Variants in CATSPERE observed in about 807,000 individuals in gnomAD.
The protein encoded by CATSPERE is catsper channel auxiliary subunit epsilon.
Under a neutral mutation model 114.1 loss-of-function variants are expected in CATSPERE, and 93 were observed. That is an observed-to-expected ratio of 0.81 (90% CI 0.69 to 0.97). CATSPERE has a LOEUF of 0.97. CATSPERE is among the 50% of genes least tolerant of loss of function. The pLI is 0.00. For synonymous variants in CATSPERE, 341 were observed against 384.1 expected (o/e 0.89, Z 1.31); for missense variants, 1,058 against 1,131.6 (o/e 0.93, Z 0.93).
chr1:244,593,527 G>C lies in CATSPERE; in HGVS notation c.2252G>C (p.Gly751Ala), dbSNP rs752792852. ...LRVRYIWGEY[G>A]CPLRLDFTEK... is the part of the protein sequence containing the mutation. ...GTAAGGTATATTTGGGGAGAATATG[G>C]CTGCCCTCTGAGGCTTGACTTCACA... is the stretch of plus-strand genomic sequence containing the variant. The change falls in exon 17 of 22, where the codon GGC (glycine) becomes GCC (alanine). Residue 751 changes from glycine (G) to alanine (A), a missense_variant. Physicochemically the swap from Gly to Ala is moderately conservative, Grantham distance 60 (BLOSUM62 0). Coordinates refer to ENST00000366534, the MANE Select transcript of CATSPERE (RefSeq NM_001130957.2). The C allele has an allele frequency of 5.0e-6, 8 of 1,613,878 alleles. No individual in the cohort carries two copies. The highest frequency in any genetic ancestry group is 1.1e-5 in the South Asian group (1 of 91,076).
intron 6 of CATSPERE, among the ~76,000 whole-genome samples, chr1:244,493,987 C>T (rs1334929638): frequency 6.6e-6 from 1 of 152,126 alleles, no homozygotes; most frequent in Admixed American, 6.5e-5. Context: ...AATAGGAACA[C>T]TTTTACACTG....
chr1:244,468,572 A>T (rs3124060), intron 2 of CATSPERE, among the ~76,000 whole-genome samples: 97,153 of 151,968 alleles, frequency 0.64, 31,392 homozygotes, highest in Middle Eastern at 0.74. Flanking sequence ...AAAGGGCAAG[A>T]GAGTAATATT....
intron 8 of CATSPERE, among the ~76,000 whole-genome samples, chr1:244,547,585 A>C (rs898240166): frequency 2.7e-5 from 4 of 147,376 alleles, no homozygotes; most frequent in South Asian, 2.1e-4. Flanking sequence ...GAAAAATTTC[A>C]ATCTAAGTTA....
Position 244,552,588 on chromosome 1 carries a change from C to G in CATSPERE, c.803C>G (p.Ser268Cys), listed in dbSNP as rs755173996. Residue 268 changes from serine to cysteine, a missense_variant, in exon 9 of 22, where the codon TCT (serine) becomes TGT (cysteine). Transcript: ENST00000366534. ...ETFHTTDSFK[S>C]WTRIRVPPDI... is the part of the protein sequence containing the mutation. ...TTTCACACAACTGATTCATTCAAATCTTGGACCAGAATCAGAGTGCCTCCA... is the reference window on the plus strand; with the variant it reads ...TTTCACACAACTGATTCATTCAAATGTTGGACCAGAATCAGAGTGCCTCCA... 1 of 1,614,174 alleles carries G rather than the reference C, an allele frequency of 6.2e-7. No individual in the cohort carries two copies. Among genetic ancestry groups the G allele is most frequent in the Non-Finnish European group, 8.5e-7 (1 of 1,180,032 alleles).
At chr1:244,477,029 C>T (rs537970325) in intron 2 of CATSPERE, among the ~76,000 whole-genome samples, 13 of 152,160 alleles carry the variant, frequency 8.5e-5, no homozygotes, top group Non-Finnish European at 1.9e-4. Context: ...GAGTTTCGCT[C>T]TTGTCTCCCA....
Position 244,589,136 on chromosome 1 carries a change from T to C in CATSPERE, c.2138+602T>C, listed in dbSNP as rs534462734. On this transcript the variant is annotated intron_variant, in intron 14 of 21. Transcript: ENST00000366534. ...TCTCTTTCTTCTACATGGGAGAAAA[T>C]CAAAGGCAGCATACACAAATCTGTT... Among the ~76,000 whole-genome samples, 3 of 152,280 alleles carry C rather than the reference T, an allele frequency of 2.0e-5. No homozygotes were observed. The East Asian group carries it at 5.8e-4, about 29-fold the overall frequency.
chr1:244,550,891 G>A (rs1212095560), intron 8 of CATSPERE, among the ~76,000 whole-genome samples: 1 of 152,158 alleles, frequency 6.6e-6, no homozygotes, highest in African/African-American at 2.4e-5. Flanking sequence ...GAGAAACTCT[G>A]CTCAGAAATG....
Position 244,553,827 on chromosome 1 carries a change from C to T in CATSPERE, c.1029+1013C>T, listed in dbSNP as rs575215185. ...CAGCCTCTCTTTATACTCCCTCCCA[C>T]GCACCCCTCTCCTTCCCAGACTCTA... is the stretch of plus-strand genomic sequence containing the variant. On this transcript the variant is annotated intron_variant, in intron 9 of 21. Coordinates refer to ENST00000366534, the MANE Select transcript of CATSPERE (RefSeq NM_001130957.2). Among the ~76,000 whole-genome samples, 13 of 152,180 alleles carry T rather than the reference C, an allele frequency of 8.5e-5. No individual in the cohort carries two copies. In the South Asian group the frequency reaches 1.9e-3, roughly 22 times the overall value.
At chr1:244,524,103 G>C (rs1342722286) in intron 8 of CATSPERE, among the ~76,000 whole-genome samples, 1 of 151,358 alleles carries the variant, frequency 6.6e-6, no homozygotes, top group East Asian at 1.9e-4. Context: ...CAAGGCTGCA[G>C]TAACCAAAAC....
chr1:244,539,231 C>T (rs1195618902), intron 8 of CATSPERE, among the ~76,000 whole-genome samples: 1 of 151,006 alleles, frequency 6.6e-6, no homozygotes, highest in African/African-American at 2.4e-5. Flanking sequence ...TTGAGATAAT[C>T]GTGTGGTTTT....
chr1:244,569,195 TC>T (rs1378221255), intron 10 of CATSPERE, among the ~76,000 whole-genome samples: 1 of 152,022 alleles, frequency 6.6e-6, no homozygotes, highest in African/African-American at 2.4e-5. Flanking sequence ...GGGAGGGAGT[TC>T]CCTGACCCCT....
chr1:244,493,091 A>C (rs1672497042), intron 6 of CATSPERE, among the ~76,000 whole-genome samples: 1 of 151,552 alleles, frequency 6.6e-6, no homozygotes, highest in Admixed American at 6.6e-5. Flanking sequence ...ATTGGAAAAA[A>C]CTACTTTAAA....
chr1:244,625,999 G>T lies in CATSPERE; in HGVS notation c.2648+8313G>T, dbSNP rs553419966. 2.0e-5 allele frequency among the ~76,000 whole-genome samples: 3 copies of T among 152,156 alleles called. No individual in the cohort carries two copies. In the East Asian group the frequency reaches 5.8e-4, roughly 29 times the overall value. ...TGTAAACAGATATGCTGTCATCCAA[G>T]CTTTGTTATTCCACTTATAGAGCAC... On this transcript the variant is annotated intron_variant, in intron 20 of 21. Transcript: ENST00000366534.
intron 8 of CATSPERE, among the ~76,000 whole-genome samples, chr1:244,539,176 G>T (rs1680830009): frequency 6.6e-6 from 1 of 151,384 alleles, no homozygotes; most frequent in African/African-American, 2.4e-5. Context: ...AGAGTTTTTA[G>T]CATGAAGGGT....
chr1:244,595,756 C>G (rs1190147942), intron 17 of CATSPERE, among the ~76,000 whole-genome samples: 5 of 152,094 alleles, frequency 3.3e-5, no homozygotes, highest in Non-Finnish European at 7.4e-5. Flanking sequence ...ACAGTGAAAC[C>G]CTGTCTCTAC....
intron 2 of CATSPERE, among the ~76,000 whole-genome samples, chr1:244,466,912 GA>G (rs1667688508): frequency 1.3e-5 from 2 of 152,316 alleles, no homozygotes; most frequent in Non-Finnish European, 1.5e-5. Flanking sequence ...ACTGCCTGAG[GA>G]AGAAGAATGG....
Position 244,463,902 on chromosome 1 carries a change from C to G in CATSPERE, c.66-6C>G. 6.3e-7 allele frequency: 1 copy of G among 1,593,946 alleles called. No homozygotes were observed. ...TAATATTTATACTTGGCCTCTTCCT[C>G]CACAGGTATTCCACTAACAGCCCAA... On this transcript the variant is annotated splice_polypyrimidine_tract_variant and splice_region_variant and intron_variant, in intron 1 of 21. Transcript: ENST00000366534.
chr1:244,510,887 A>G (rs1190323974), intron 7 of CATSPERE, among the ~76,000 whole-genome samples: 1 of 114,510 alleles, frequency 8.7e-6, no homozygotes, highest in Non-Finnish European at 1.6e-5. Context: ...CTTGTTGCCC[A>G]GGCTGGAGTG....
rs759561837 is a variant in CATSPERE, at chr1:244,552,676, C to A, written c.891C>A (p.Ile297=). The change falls in exon 9 of 22, where the codon ATC becomes ATA. Residue 297 remains isoleucine, a synonymous_variant. Transcript: ENST00000366534. ...ATGTGATCTTATCGCGGGATGGAAT[C>A]GTTTTTCTTATAAATGGTGTTCTTT... ...VAHVILSRDG[I]VFLINGVLYI... is the part of the protein sequence containing the mutation. 17 of 1,613,842 alleles carry A rather than the reference C, an allele frequency of 1.1e-5. No homozygotes were observed. The highest frequency in any genetic ancestry group is 6.6e-5 in the South Asian group (6 of 91,082).
Sources: allele counts gnomAD v4.1 joint callset (sites outside exome capture counted in the v4.1 genomes callset), GRCh38; gene constraint gnomAD v4.1.1; transcripts MANE v1.5; gene names NCBI Gene and HGNC (gene_info 2026-07-23, HGNC 2026-07-21).